KAT2A: variants seen among roughly 807,000 people sequenced by gnomAD.
KAT2A encodes lysine acetyltransferase 2A.
Under a neutral mutation model 95.2 loss-of-function variants are expected in KAT2A, and 42 were observed. That is an observed-to-expected ratio of 0.44 (90% CI 0.34 to 0.57). The LOEUF is 0.57. Ranked by LOEUF, KAT2A falls within the 20% of genes least tolerant of loss-of-function variation. KAT2A has a pLI of 0.01. For missense variants in KAT2A, 784 were observed against 1,126.3 expected (o/e 0.70, Z 4.35); for synonymous variants, 449 against 448.2 (o/e 1.00, Z -0.02).
intron 2 of KAT2A, 98 bp downstream of exon 2, chr17:42,120,608 C>CT: frequency 2.0e-5 from 26 of 1,307,256 alleles, no homozygotes; most frequent in Non-Finnish European, 2.7e-5. Flanking sequence ...TTCGAGGCAT[C>CT]TTTGATTTTT....
Position 42,121,113 on chromosome 17 carries a change from C to T in KAT2A, c.192G>A (p.Gly64=), listed in dbSNP as rs1262104884. The change falls in exon 1 of 18, where the codon GGG becomes GGA. Residue 64 remains glycine, a synonymous_variant. Transcript: ENST00000225916. ...PAGSTGTGGP[G]VGSGGAGSGG... Reference sequence around the variant, plus strand: ...CGCTCCCGGCCCCCCCACTTCCTACCCCGGGCCCCCCAGTCCCTGTGCTGC... The same window carrying T: ...CGCTCCCGGCCCCCCCACTTCCTACTCCGGGCCCCCCAGTCCCTGTGCTGC... 2 of 1,519,902 alleles carry T rather than the reference C, an allele frequency of 1.3e-6. No individual in the cohort carries two copies. Among genetic ancestry groups the T allele is most frequent in the Admixed American group, 2.0e-5 (1 of 50,610 alleles). 94.2% of individuals were successfully genotyped at this position (1,519,902 alleles called of 1,614,324 possible).
At position 42,114,941 on chromosome 17, in the gene KAT2A, G is replaced by T; in HGVS notation, c.1970C>A (p.Pro657His). The T allele has an allele frequency of 6.2e-7, 1 of 1,614,026 alleles. No homozygotes were observed. The highest frequency in any genetic ancestry group is 8.5e-7 in the Non-Finnish European group (1 of 1,179,958). The change falls in exon 13 of 18, where the codon CCC becomes CAC. Residue 657 changes from proline to histidine, a missense_variant. Around this residue, in one of 6 missense-constraint regions of KAT2A, gnomAD observed 195 missense variants for 247.1 expected, o/e 0.79. Transcript: ENST00000225916. This position sits in a 1 kb window ranked among gnomAD's most constrained non-coding sequence, Gnocchi z 6.0. ...GATLMECELN[P>H]RIPYTELSHI... is the part of the protein sequence containing the mutation. ...GGACAGCTCCGTGTAGGGGATGCGGGGATTCAGCTCACACTCCATCAGCGT... is the reference window on the plus strand; with the variant it reads ...GGACAGCTCCGTGTAGGGGATGCGGTGATTCAGCTCACACTCCATCAGCGT...
chr17:42,117,002 G>A lies in KAT2A; in HGVS notation c.1764+33C>T. ...TGGCCCAAACTCAGGAGTGGGCCGT[G>A]GACTGGGGCTGGGGCCGGGGAGCCG... On this transcript the variant is annotated intron_variant, in intron 11 of 17. Coordinates refer to ENST00000225916, the MANE Select transcript of KAT2A (RefSeq NM_021078.3). This position sits in a 1 kb window ranked among gnomAD's most constrained non-coding sequence, Gnocchi z 8.9. 1 of 1,611,880 alleles carries A rather than the reference G, an allele frequency of 6.2e-7. No homozygotes were observed.
chr17:42,115,131 C>G, intron 12 of KAT2A, 96 bp from the exon 13 acceptor site: 1 of 1,263,852 alleles, frequency 7.9e-7, no homozygotes, highest in Non-Finnish European at 1.1e-6. Flanking sequence ...GCACGTGCCA[C>G]TTGCCACCTC....
rs1303571176 is a variant in KAT2A, at chr17:42,115,718, G to A, written c.1875+5C>T. On this transcript the variant is annotated splice_donor_5th_base_variant and intron_variant, in intron 12 of 17. Transcript: ENST00000225916. ...GGACCGGTGTGGGACGAGGCTACGG[G>A]TCACCTGCTTTTTGAAGTAGCCGAT... 6.3e-7 allele frequency: 1 copy of A among 1,587,698 alleles called. No individual in the cohort carries two copies. The highest frequency in any genetic ancestry group is 8.7e-7 in the Non-Finnish European group (1 of 1,155,932).
In KAT2A at chr17:42,121,083, C is replaced by T. The variant is rs2144044806; in HGVS notation, c.222G>A (p.Gly74=). Residue 74 remains glycine, a synonymous_variant, in exon 1 of 18, where the codon GGG becomes GGA. Coordinates refer to ENST00000225916, the MANE Select transcript of KAT2A (RefSeq NM_021078.3). ...GVGSGGAGSG[G]DPARPGLSQQ... ...GGCTCAGGCCAGGTCGAGCCGGATC[C>T]CCCCCGCTCCCGGCCCCCCCACTTC... 1.3e-6 allele frequency: 2 copies of T among 1,552,200 alleles called. No homozygotes were observed. The highest frequency in any genetic ancestry group is 1.7e-6 in the Non-Finnish European group (2 of 1,151,450).
rs782452374 is a variant in KAT2A, at chr17:42,114,231, C to T, written c.2223G>A (p.Leu741=). The part of the protein sequence containing the change: ...DQLYTTLKNL[L]AQIKSHPSAW... The stretch of plus-strand genomic sequence containing the variant: ...CTGGTCTCCCCACCTTGATTTGGGC[C>T]AGCAGGTTTTTGAGGGTTGTGTAGA... The change falls in exon 16 of 18, where the codon CTG becomes CTA. Residue 741 remains leucine (L), a synonymous_variant. Coordinates refer to ENST00000225916, the MANE Select transcript of KAT2A (RefSeq NM_021078.3). The surrounding 1 kb of genome is among the most constrained non-coding windows in gnomAD (Gnocchi z 6.0). 2 of 1,597,494 alleles carry T rather than the reference C, an allele frequency of 1.3e-6. No individual in the cohort carries two copies. The highest frequency in any genetic ancestry group is 1.1e-5 in the South Asian group (1 of 89,826).
Position 42,120,307 on chromosome 17 carries a change from A to C in KAT2A, c.527T>G (p.Val176Gly). 1 of 1,614,160 alleles carries C rather than the reference A, an allele frequency of 6.2e-7. No individual in the cohort carries two copies. Among genetic ancestry groups the C allele is most frequent in the Non-Finnish European group, 8.5e-7 (1 of 1,179,996 alleles). The change falls in exon 3 of 18, where the codon GTG becomes GGG. Residue 176 changes from valine to glycine, a missense_variant. Coordinates refer to ENST00000225916, the MANE Select transcript of KAT2A (RefSeq NM_021078.3). ...CATGAAGAGATTCTCCACATCCACC[A>C]CCATCCCCAGCAGTCGGTTTATCTC... ...EDEINRLLGM[V>G]VDVENLFMSV...
Position 42,120,212 on chromosome 17 carries a change from A to G in KAT2A, c.609+13T>C. The G allele has an allele frequency of 6.2e-7, 1 of 1,614,138 alleles. No homozygotes were observed. Among genetic ancestry groups the G allele is most frequent in the Middle Eastern group, 1.7e-4 (1 of 6,058 alleles). On this transcript the variant is annotated intron_variant, in intron 3 of 17. Transcript: ENST00000225916. ...ACCTCCTTCACTCACACCCTCCTTT[A>G]GTGGAAGCTCACCTTGAAGAGGTAG...
rs1555667334 is a variant in KAT2A, at chr17:42,121,230, G to A, written c.75C>T (p.Ala25=). ...GGCTGGGTGCAGGAGTCGGAGTTGG[G>A]GCAGGGGCTGGGGACTGAAGGGGCC... The part of the protein sequence containing the change: ...QPRPLQSPAP[A]PTPTPAPSPA... Residue 25 remains alanine, a synonymous_variant, in exon 1 of 18, where the codon GCC becomes GCT. Transcript: ENST00000225916. The A allele has an allele frequency of 7.4e-7, 1 of 1,353,164 alleles. No individual in the cohort carries two copies. Among genetic ancestry groups the A allele is most frequent in the East Asian group, 2.7e-5 (1 of 37,536 alleles). The allele number at this position is 1,353,164 out of a possible 1,614,324, so 83.8% of individuals were successfully genotyped here.
rs1555667313 is a variant in KAT2A, at chr17:42,121,195, G to C, written c.110C>G (p.Ala37Gly). 1 of 1,366,724 alleles carries C rather than the reference G, an allele frequency of 7.3e-7. No homozygotes were observed. Among genetic ancestry groups the C allele is most frequent in the East Asian group, 2.6e-5 (1 of 39,090 alleles). 84.7% of individuals were successfully genotyped at this position (1,366,724 alleles called of 1,614,324 possible). The change falls in exon 1 of 18, where the codon GCC becomes GGC. Residue 37 changes from alanine (A) to glycine (G), a missense_variant. This residue lies in a region of KAT2A where 142 missense variants were observed against 123.2 expected (regional missense o/e 1.15). Transcript: ENST00000225916. ...TPTPAPSPAS[A>G]PIPTPTPAPA... ...TGCCGGGGTGGGAGTCGGAATCGGGGCTGAAGCCGGGCTGGGTGCAGGAGT... is the reference window on the plus strand; with the variant it reads ...TGCCGGGGTGGGAGTCGGAATCGGGCCTGAAGCCGGGCTGGGTGCAGGAGT...
chr17:42,113,724 C>T lies in KAT2A; in HGVS notation c.2439G>A (p.Glu813=), dbSNP rs1555665153. The T allele has an allele frequency of 6.2e-7, 1 of 1,611,872 alleles. No individual in the cohort carries two copies. The highest frequency in any genetic ancestry group is 1.1e-5 in the South Asian group (1 of 90,842). ...CCAGGGCGCTGGCACAGCGGCAGTA[C>T]TCGCTGTCCGGGGGGTTGTACTCGC... The part of the protein sequence containing the change: ...NCREYNPPDS[E]YCRCASALEK... The change falls in exon 18 of 18, where the codon GAG becomes GAA. Residue 813 remains glutamate (E), a synonymous_variant. Transcript: ENST00000225916.
chr17:42,117,368 G>A lies in KAT2A; in HGVS notation c.1637+20C>T. On this transcript the variant is annotated intron_variant, in intron 10 of 17. Transcript: ENST00000225916. This position sits in a 1 kb window ranked among gnomAD's most constrained non-coding sequence, Gnocchi z 8.9. ...AACTGGGTGTGCTGCCCTGGGGGAG[G>A]GGCTCTCTGGGGGACGCACGGGTCA... is the stretch of plus-strand genomic sequence containing the variant. The A allele has an allele frequency of 6.2e-7, 1 of 1,611,264 alleles. No homozygotes were observed. Among genetic ancestry groups the A allele is most frequent in the Non-Finnish European group, 8.5e-7 (1 of 1,178,130 alleles).
At position 42,121,217 on chromosome 17, in the gene KAT2A, G is replaced by A. The variant is rs1555667331; in HGVS notation, c.88C>T (p.Pro30Ser). The A allele has an allele frequency of 3.9e-5, 52 of 1,339,714 alleles. 1 individual carries two copies. The South Asian group carries it at 7.3e-4, about 19-fold the overall frequency. 83.0% of individuals were successfully genotyped at this position (1,339,714 alleles called of 1,614,324 possible). The part of the protein sequence containing the change: ...QSPAPAPTPT[P>S]APSPASAPIP... ...GGGGCTGAAGCCGGGCTGGGTGCAG[G>A]AGTCGGAGTTGGGGCAGGGGCTGGG... Residue 30 changes from proline to serine, a missense_variant, in exon 1 of 18, where the codon CCT becomes TCT. Physicochemically the swap from Pro to Ser is moderately conservative, Grantham distance 74 (BLOSUM62 -1). Around this residue, in one of 6 missense-constraint regions of KAT2A, gnomAD observed 142 missense variants for 123.2 expected, o/e 1.15. Coordinates refer to ENST00000225916, the MANE Select transcript of KAT2A (RefSeq NM_021078.3).
intron 6 of KAT2A, chr17:42,118,941 G>C (rs775496000): frequency 1.1e-6 from 1 of 948,902 alleles, no homozygotes; most frequent in Non-Finnish European, 1.4e-6. Flanking sequence ...GTTTCTTGGA[G>C]AGTTGTGCAG....
chr17:42,120,371 C>T lies in KAT2A; in HGVS notation c.464-1G>A. 1 of 1,614,172 alleles carries T rather than the reference C, an allele frequency of 6.2e-7. No homozygotes were observed. Among genetic ancestry groups the T allele is most frequent in the Non-Finnish European group, 8.5e-7 (1 of 1,179,980 alleles). On this transcript the variant is annotated splice_acceptor_variant, in intron 2 of 17. Coordinates refer to ENST00000225916, the MANE Select transcript of KAT2A (RefSeq NM_021078.3). LOFTEE classifies it high-confidence loss of function. ...TTCTCCAAGTGGGATACGTGGTCAG[C>T]TGCAAGACAGATGGCAGAGTTAGGA...
chr17:42,114,141 C>T lies in KAT2A; in HGVS notation c.2236-57G>A, dbSNP rs1328204422. 3.2e-6 allele frequency: 5 copies of T among 1,575,444 alleles called. No individual in the cohort carries two copies. The highest frequency in any genetic ancestry group is 3.4e-6 in the Non-Finnish European group (4 of 1,163,738). On this transcript the variant is annotated intron_variant, in intron 16 of 17. Coordinates refer to ENST00000225916, the MANE Select transcript of KAT2A (RefSeq NM_021078.3). The surrounding 1 kb of genome is among the most constrained non-coding windows in gnomAD (Gnocchi z 6.0). Reference sequence around the variant, plus strand: ...TGCTGCGCCCACGCCAGCCCGAGACCACTACCCACCCCACACTGCATCAAG... The same window carrying T: ...TGCTGCGCCCACGCCAGCCCGAGACTACTACCCACCCCACACTGCATCAAG...
rs1568008760 is a variant in KAT2A at position 42,113,769 on chromosome 17, C to CT, written c.2393dup (p.Arg799AlafsTer38). The CT allele has an allele frequency of 6.2e-7, 1 of 1,610,732 alleles. No individual in the cohort carries two copies. The highest frequency in any genetic ancestry group is 8.5e-7 in the Non-Finnish European group (1 of 1,178,812). ...ACTCGCGACAGTTGGCGATGACCCG[C>CT]TGCAGGTCGGCCACAAAGAGCTTCC... On this transcript the variant is annotated frameshift_variant, in exon 18 of 18. Coordinates refer to ENST00000225916, the MANE Select transcript of KAT2A (RefSeq NM_021078.3). LOFTEE classifies it high-confidence loss of function.
In KAT2A at chr17:42,114,810, T is replaced by G. The variant is rs879967549; in HGVS notation, c.2019+82A>C. 1.4e-6 allele frequency: 2 copies of G among 1,451,320 alleles called. No individual in the cohort carries two copies. The highest frequency in any genetic ancestry group is 2.4e-5 in the South Asian group (2 of 83,674). 89.9% of individuals were successfully genotyped at this position (1,451,320 alleles called of 1,614,324 possible). A position where few individuals can be genotyped will look rare whatever the true frequency, so the allele number is the denominator to read the frequency against. On this transcript the variant is annotated intron_variant, in intron 13 of 17. Coordinates refer to ENST00000225916, the MANE Select transcript of KAT2A (RefSeq NM_021078.3). The surrounding 1 kb of genome is among the most constrained non-coding windows in gnomAD (Gnocchi z 6.0). ...TCACACACATATATGCATGTAGACGTAGAACAGGTCTACACACGTGTGCTC... is the reference window on the plus strand; with the variant it reads ...TCACACACATATATGCATGTAGACGGAGAACAGGTCTACACACGTGTGCTC...
Sources: gnomAD v4.1 joint callset for allele counts on GRCh38, gnomAD v4.1.1 for gene constraint, gnomAD v4.1.1 regional missense constraint, Gnocchi (gnomAD v3.1) non-coding constraint, MANE v1.5 for transcripts, NCBI Gene and HGNC (gene_info 2026-07-23, HGNC 2026-07-21) for gene names.